DNAH6: variants seen among roughly 807,000 people sequenced by gnomAD.
The protein encoded by DNAH6 is axonemal beta dynein heavy chain 6.
In DNAH6, 340 loss-of-function variants were observed where a neutral mutation model predicts 491.4. The ratio of observed to expected loss-of-function variants is 0.69; its 90% CI spans 0.63 to 0.76. The LOEUF is 0.76. Among genes scored for constraint, DNAH6 ranks in the 30% least tolerant of loss-of-function variants. The pLI is 0.00. For synonymous variants in DNAH6, 1,603 were observed against 1,686.1 expected (o/e 0.95, Z 1.21); for missense variants, 4,443 against 4,972.2 (o/e 0.89, Z 3.20).
At chr2:84,742,746 A>G (rs1006401230) in intron 62 of DNAH6, among the ~76,000 whole-genome samples, 2 of 151,040 alleles carry the variant, frequency 1.3e-5, no homozygotes, top group Admixed American at 1.3e-4. Context: ...CAGTTGCATC[A>G]TCCACACTCT....
intron 42 of DNAH6, among the ~76,000 whole-genome samples, chr2:84,684,258 TC>T (rs1694074758): frequency 6.6e-6 from 1 of 152,240 alleles, no homozygotes; most frequent in Admixed American, 6.5e-5. Flanking sequence ...CGCTTCAGAC[TC>T]ACTGATCCTC....
At chr2:84,700,874 A>T (rs59378172) in intron 48 of DNAH6, among the ~76,000 whole-genome samples, 2,300 of 152,310 alleles carry the variant, frequency 0.015, 50 homozygotes, top group African/African-American at 0.049. Context: ...TTCCGTGTGC[A>T]TGATACTGTG....
rs1400882058 is a variant in DNAH6, at chr2:84,544,409, A to C, written c.839A>C (p.Lys280Thr). 6.5e-7 allele frequency: 1 copy of C among 1,543,492 alleles called. No individual in the cohort carries two copies. Among genetic ancestry groups the C allele is most frequent in the Non-Finnish European group, 8.8e-7 (1 of 1,139,786 alleles). ...IPIFSLFRKW[K>T]AFSVWRKNVR... ...ATATTTTCACTGTTCCGGAAATGGA[A>C]GGCTTTTAGTGTATGGAGGAAGAAT... is the stretch of plus-strand genomic sequence containing the variant. The change falls in exon 5 of 77, where the codon AAG becomes ACG. Residue 280 changes from lysine to threonine, a missense_variant. Physicochemically the swap from Lys to Thr is moderately conservative, Grantham distance 78. This residue lies in a region of DNAH6 where 2,977 missense variants were observed against 3,296.6 expected (regional missense o/e 0.90). Coordinates refer to ENST00000389394, the MANE Select transcript of DNAH6 (RefSeq NM_001370.2).
At chr2:84,733,020 A>G (rs1213736815) in intron 61 of DNAH6, among the ~76,000 whole-genome samples, 1 of 152,208 alleles carries the variant, frequency 6.6e-6, no homozygotes, top group Non-Finnish European at 1.5e-5. Context: ...TAAGGTTGCC[A>G]TTTGTCTTGC....
intron 62 of DNAH6, among the ~76,000 whole-genome samples, chr2:84,744,784 A>G (rs1172989482): frequency 1.3e-5 from 2 of 151,970 alleles, no homozygotes; most frequent in East Asian, 3.9e-4. Flanking sequence ...TATCACTTCA[A>G]TCTTCTTTTT....
the DNAH6 span, among the ~76,000 whole-genome samples, chr2:84,467,086 C>G: frequency 6.6e-6 from 1 of 152,290 alleles, no homozygotes; most frequent in South Asian, 2.1e-4. Flanking sequence ...TGCATTTATT[C>G]CAATGTTCAG....
chr2:84,470,639 G>A, the DNAH6 span, among the ~76,000 whole-genome samples: 1 of 152,166 alleles, frequency 6.6e-6, no homozygotes, highest in African/African-American at 2.4e-5. Flanking sequence ...TGTTTTATGA[G>A]CAAAGTCTTT....
At chr2:84,467,745 TAACATATG>T in the DNAH6 span, among the ~76,000 whole-genome samples, 1 of 152,214 alleles carries the variant, frequency 6.6e-6, no homozygotes, top group East Asian at 1.9e-4. Context: ...GACAAGAATT[TAACATATG>T]AGATCCTTTC....
intron 4 of DNAH6, among the ~76,000 whole-genome samples, chr2:84,542,239 G>A (rs1372055750): frequency 6.6e-6 from 1 of 152,104 alleles, no homozygotes; most frequent in Non-Finnish European, 1.5e-5. Flanking sequence ...TTTTTAGGTT[G>A]CTTTGATGCC....
At chr2:84,753,780 G>A (rs1196445907) in intron 63 of DNAH6, among the ~76,000 whole-genome samples, 103 of 81,754 alleles carry the variant, frequency 1.3e-3, no homozygotes, top group Middle Eastern at 9.8e-3. Context: ...AAAAAAAAAA[G>A]TACAGTTTTG....
intron 10 of DNAH6, among the ~76,000 whole-genome samples, chr2:84,554,887 G>T (rs919817136): frequency 2.0e-5 from 3 of 152,224 alleles, no homozygotes; most frequent in Admixed American, 6.5e-5. Flanking sequence ...CCCCCAAGGG[G>T]TGGGCCTCAA....
chr2:84,773,100 CT>C (rs1675785951), intron 64 of DNAH6, among the ~76,000 whole-genome samples: 1 of 151,856 alleles, frequency 6.6e-6, no homozygotes, highest in South Asian at 2.1e-4. Context: ...CAACTTTTAC[CT>C]TAGATTCAGG....
In DNAH6 at chr2:84,707,019, GGTAA is replaced by G. The variant is rs1696525498; in HGVS notation, c.8851+5_8851+8del. ...AGGTGTAAATGAAAAAGAAAGCCTG[GGTAA>G]GTAACTCATAAAATTTACATTGGCC... is the stretch of plus-strand genomic sequence containing the variant. On this transcript the variant is annotated splice_donor_variant and splice_donor_region_variant and intron_variant, in intron 53 of 76. Transcript: ENST00000389394. LOFTEE classifies it high-confidence loss of function. 6.7e-7 allele frequency: 1 copy of G among 1,501,568 alleles called. No homozygotes were observed. The highest frequency in any genetic ancestry group is 8.8e-7 in the Non-Finnish European group (1 of 1,133,270). 93.0% of individuals were successfully genotyped at this position (1,501,568 alleles called of 1,614,324 possible).
chr2:84,619,617 A>G lies in DNAH6; in HGVS notation c.3573-68A>G, dbSNP rs925105834. The G allele has an allele frequency of 3.6e-6, 5 of 1,401,954 alleles. No homozygotes were observed. The African/African-American group carries it at 7.2e-5, about 20-fold the overall frequency. 86.8% of individuals were successfully genotyped at this position (1,401,954 alleles called of 1,614,324 possible). ...GGGAAGAGATGTGGCTAAGGAATTT[A>G]TCTTTTATGTCTGTCTAAGACTTTA... On this transcript the variant is annotated intron_variant, in intron 23 of 76. Transcript: ENST00000389394.
At chr2:84,782,558 T>G (rs1013849555) in intron 65 of DNAH6, among the ~76,000 whole-genome samples, 2 of 152,164 alleles carry the variant, frequency 1.3e-5, no homozygotes, top group African/African-American at 4.8e-5. Context: ...AGCCTTCCCC[T>G]AAAAGCCCTT....
chr2:84,603,176 G>A (rs972210115), intron 18 of DNAH6, among the ~76,000 whole-genome samples: 4 of 151,890 alleles, frequency 2.6e-5, no homozygotes, highest in African/African-American at 7.3e-5. Flanking sequence ...TCAAAGCCAG[G>A]TATCTTATAT....
chr2:84,696,192 A>C (rs1695364489), intron 46 of DNAH6, among the ~76,000 whole-genome samples: 1 of 151,820 alleles, frequency 6.6e-6, no homozygotes, highest in African/African-American at 2.4e-5. Context: ...TTACAGAGAA[A>C]GCAAATATTT....
chr2:84,753,713 C>A (rs1311729063), intron 63 of DNAH6, among the ~76,000 whole-genome samples: 2 of 124,058 alleles, frequency 1.6e-5, no homozygotes, highest in Admixed American at 1.9e-4. Context: ...TCCAAGATCA[C>A]ACCATTGCAT....
chr2:84,564,858 A>G (rs1376058244), intron 11 of DNAH6, among the ~76,000 whole-genome samples: 2 of 152,000 alleles, frequency 1.3e-5, no homozygotes, highest in African/African-American at 4.8e-5. Flanking sequence ...TTTGAAGTCT[A>G]TTCCTTTGAT....
Sources: gnomAD v4.1 joint callset for allele counts (sites outside exome capture counted in the v4.1 genomes callset) on GRCh38, gnomAD v4.1.1 for gene constraint, gnomAD v4.1.1 regional missense constraint, MANE v1.5 for transcripts, NCBI Gene and HGNC (gene_info 2026-07-23, HGNC 2026-07-21) for gene names.